AKAP10: variants seen among roughly 807,000 people sequenced by gnomAD.
AKAP10 encodes the protein A-kinase anchor protein 10, mitochondrial.
A neutral mutation model predicts 80.8 loss-of-function variants in AKAP10; 24 were observed. That is an observed-to-expected ratio of 0.30 (90% CI 0.22 to 0.42). AKAP10 has a LOEUF of 0.42. AKAP10 is among the 10% of genes least tolerant of loss of function. The probability of loss-of-function intolerance (pLI) is 1.00; values close to 1 mark genes in which losing one functional copy is unlikely to be tolerated. For synonymous variants in AKAP10, 291 were observed against 277.7 expected, an observed-to-expected ratio of 1.05 and a Z score of -0.48; for missense variants, 661 against 794.9, an observed-to-expected ratio of 0.83 and a Z score of 2.03.
chr17:19,928,045 C>A (rs1350443504), intron 10 of AKAP10, among the ~76,000 whole-genome samples: 1 of 151,978 alleles, frequency 6.6e-6, no homozygotes, highest in African/African-American at 2.4e-5. Context: ...CATGGTGAAA[C>A]CCTGTCACTA....
intron 14 of AKAP10, among the ~76,000 whole-genome samples, chr17:19,908,195 G>C (rs985367064): frequency 1.3e-5 from 2 of 152,134 alleles, no homozygotes; most frequent in Admixed American, 6.5e-5. Flanking sequence ...TTTACACTGT[G>C]AAGTGCTGAA....
In AKAP10 at chr17:19,962,317, CACACACAT is replaced by C. The variant is rs58108837; in HGVS notation, c.319+515_319+522del. On this transcript the variant is annotated intron_variant, in intron 3 of 14. Coordinates refer to ENST00000225737, the MANE Select transcript of AKAP10 (RefSeq NM_007202.4). ...ATATACACACACACACACACACACA[CACACACAT>C]ACACACCTGCACATATGAATGAGCA... 6.3e-3 allele frequency among the ~76,000 whole-genome samples: 960 copies of C among 151,964 alleles called. 12 individuals carry two copies. The highest frequency in any genetic ancestry group is 0.022 in the African/African-American group (911 of 41,410).
chr17:19,906,224 G>A lies in AKAP10; in HGVS notation c.*3C>T. 1.9e-6 allele frequency: 3 copies of A among 1,607,716 alleles called. No individual in the cohort carries two copies. The South Asian group carries it at 3.3e-5, about 18-fold the overall frequency. On this transcript the variant is annotated 3_prime_UTR_variant, in exon 15 of 15. Coordinates refer to ENST00000225737, the MANE Select transcript of AKAP10 (RefSeq NM_007202.4). ...GCAGATTTCCTTTATCTCAAGTTTT[G>A]AGTCATAACTGAAAAAAGAAAAGAA...
chr17:19,912,029 T>C (rs2042696698), intron 12 of AKAP10, among the ~76,000 whole-genome samples: 1 of 152,090 alleles, frequency 6.6e-6, no homozygotes, highest in Non-Finnish European at 1.5e-5. Flanking sequence ...ATTTTACAAT[T>C]CCTTCTTGTT....
intron 4 of AKAP10, among the ~76,000 whole-genome samples, chr17:19,950,352 T>C (rs918125913): frequency 3.9e-5 from 6 of 152,250 alleles, no homozygotes; most frequent in African/African-American, 1.4e-4. Context: ...GCCACCAAAG[T>C]TGTGAAAGCC....
rs143199320 is a variant in AKAP10 at position 19,924,606 on chromosome 17, G to A, written c.1642-89C>T. 9.5e-4 allele frequency: 697 copies of A among 734,848 alleles called. 10 individuals are homozygous for A. In the East Asian group the frequency reaches 0.018, roughly 19 times the overall value. 45.5% of individuals were successfully genotyped at this position (734,848 alleles called of 1,614,324 possible). ...AGATTTGTACAAAATTTTCTTCAGT[G>A]TTTGAAATAGAAGTAACTTTCACTC... On this transcript the variant is annotated intron_variant, in intron 10 of 14. Transcript: ENST00000225737.
intron 4 of AKAP10, among the ~76,000 whole-genome samples, chr17:19,953,635 T>C (rs1041689211): frequency 1.3e-5 from 2 of 152,204 alleles, no homozygotes; most frequent in African/African-American, 4.8e-5. Flanking sequence ...TCAAAGGCCA[T>C]AAACTACAGT....
intron 10 of AKAP10, among the ~76,000 whole-genome samples, chr17:19,927,300 C>T (rs1348341493): frequency 6.6e-6 from 1 of 152,092 alleles, no homozygotes; most frequent in Non-Finnish European, 1.5e-5. Flanking sequence ...TGCCACTGCA[C>T]TCCAGCCTGG....
chr17:19,919,788 C>G (rs551514826), intron 12 of AKAP10, among the ~76,000 whole-genome samples: 1 of 152,210 alleles, frequency 6.6e-6, no homozygotes, highest in African/African-American at 2.4e-5. Context: ...AGAAAATAGA[C>G]AATGCTTTTT....
At chr17:19,908,819 C>T (rs1177050174) in intron 14 of AKAP10, among the ~76,000 whole-genome samples, 1 of 152,116 alleles carries the variant, frequency 6.6e-6, no homozygotes, top group East Asian at 1.9e-4. Context: ...CAGGGTTTCA[C>T]CATGTTGGCC....
intron 5 of AKAP10, among the ~76,000 whole-genome samples, chr17:19,946,130 T>C (rs1344432989): frequency 1.5e-5 from 2 of 131,432 alleles, no homozygotes; most frequent in Non-Finnish European, 3.1e-5. Flanking sequence ...CACACACTAA[T>C]ATGTATATTA....
chr17:19,916,318 A>C (rs1348415057), intron 12 of AKAP10, among the ~76,000 whole-genome samples: 1 of 152,216 alleles, frequency 6.6e-6, no homozygotes, highest in Non-Finnish European at 1.5e-5. Context: ...AATATAATGT[A>C]AGTTCCATGA....
chr17:19,946,237 T>TATTATATATATATA (rs1491288818), intron 5 of AKAP10, among the ~76,000 whole-genome samples: 20 of 15,148 alleles, frequency 1.3e-3, no homozygotes, highest in Non-Finnish European at 1.7e-3. Flanking sequence ...TATATATATA[T>TATTATATATATATA]TATATATATA....
At chr17:19,973,173 T>C (rs2043521569) in intron 1 of AKAP10, among the ~76,000 whole-genome samples, 2 of 152,134 alleles carry the variant, frequency 1.3e-5, no homozygotes, top group African/African-American at 2.4e-5. Flanking sequence ...AGAGACAGGG[T>C]TTCACCATGT....
intron 1 of AKAP10, among the ~76,000 whole-genome samples, chr17:19,970,924 C>G (rs1454804920): frequency 6.6e-6 from 1 of 151,682 alleles, no homozygotes; most frequent in Non-Finnish European, 1.5e-5. Context: ...TTTTTTGAGA[C>G]ACGGTCTTGC....
chr17:19,968,249 A>AAGCATTAT, intron 2 of AKAP10, among the ~76,000 whole-genome samples, 165 bp downstream of exon 2: 1 of 152,134 alleles, frequency 6.6e-6, no homozygotes, highest in East Asian at 1.9e-4. Flanking sequence ...CTAGATGTTA[A>AAGCATTAT]AGCATTATAC....
chr17:19,969,274 G>C (rs1286528609), intron 1 of AKAP10, among the ~76,000 whole-genome samples: 1 of 152,168 alleles, frequency 6.6e-6, no homozygotes, highest in Non-Finnish European at 1.5e-5. Flanking sequence ...GAACCCAGGA[G>C]GCGGAGGTTG....
At chr17:19,944,105 T>C (rs1037025272) in intron 5 of AKAP10, among the ~76,000 whole-genome samples, 1 of 152,112 alleles carries the variant, frequency 6.6e-6, no homozygotes, top group African/African-American at 2.4e-5. Flanking sequence ...CAGAAAATTA[T>C]TTCCATCATC....
chr17:19,939,467 T>C (rs764083771), intron 8 of AKAP10, among the ~76,000 whole-genome samples: 1 of 152,152 alleles, frequency 6.6e-6, no homozygotes, highest in Non-Finnish European at 1.5e-5. Context: ...AAATCTCTCT[T>C]CTGGGAAACA....
Sources: allele counts gnomAD v4.1 joint callset (sites outside exome capture counted in the v4.1 genomes callset), GRCh38; gene constraint gnomAD v4.1.1; transcripts MANE v1.5; gene names NCBI Gene and HGNC (gene_info 2026-07-23, HGNC 2026-07-21).